Variants in SLC27A2 observed in about 807,000 individuals in gnomAD.
The protein encoded by SLC27A2 is solute carrier family 27 member 2.
Under a neutral mutation model 60.0 loss-of-function variants are expected in SLC27A2, and 54 were observed. The ratio of observed to expected loss-of-function variants is 0.90; its 90% CI spans 0.72 to 1.13. The LOEUF is 1.13. Among genes scored for constraint, SLC27A2 ranks in the 50% most tolerant of loss-of-function variants. The probability of loss-of-function intolerance (pLI) is 0.00; values close to 1 mark genes in which losing one functional copy is unlikely to be tolerated. For synonymous variants in SLC27A2, 297 were observed against 297.6 expected (o/e 1.00, Z 0.02); for missense variants, 739 against 777.6 (o/e 0.95, Z 0.59).
intron 2 of SLC27A2, among the ~76,000 whole-genome samples, chr15:50,201,099 A>G (rs1255568228): frequency 6.6e-6 from 1 of 152,022 alleles, no homozygotes; most frequent in East Asian, 1.9e-4. Context: ...TCAGGCGATC[A>G]TCCCACCCAA....
intron 8 of SLC27A2, among the ~76,000 whole-genome samples, chr15:50,233,227 G>T (rs1317565403): frequency 1.3e-5 from 2 of 152,178 alleles, no homozygotes; most frequent in Admixed American, 6.5e-5. Flanking sequence ...GACAAGAAAA[G>T]CCATTAGAAC....
chr15:50,225,928 A>G, intron 5 of SLC27A2, 60 bp from the exon 6 acceptor site: 1 of 1,218,590 alleles, frequency 8.2e-7, no homozygotes, highest in Non-Finnish European at 1.2e-6. Context: ...GTGTTATACC[A>G]CAATTAAAAA....
At chr15:50,187,071 T>C (rs1423961226) in intron 1 of SLC27A2, among the ~76,000 whole-genome samples, 2 of 152,352 alleles carry the variant, frequency 1.3e-5, no homozygotes, top group East Asian at 3.9e-4. Flanking sequence ...GGTTTCTTTA[T>C]AACACTTAAC....
At chr15:50,192,059 CAAA>C (rs553255229) in intron 1 of SLC27A2, among the ~76,000 whole-genome samples, 5 of 103,256 alleles carry the variant, frequency 4.8e-5, no homozygotes, top group Non-Finnish European at 6.0e-5. Flanking sequence ...GACTCCATCT[CAAA>C]AAAAAAAAAA....
Position 50,236,166 on chromosome 15 carries a change from CTTTAA to C in SLC27A2, c.*74_*78del, listed in dbSNP as rs752166989. The stretch of plus-strand genomic sequence containing the variant: ...TGGACAGCCACTTGATATAATCCAA[CTTTAA>C]TTTGATTGAAGATTGTGAGGAAATT... On this transcript the variant is annotated 3_prime_UTR_variant, in exon 10 of 10. Coordinates refer to ENST00000267842, the MANE Select transcript of SLC27A2 (RefSeq NM_003645.4). The C allele has an allele frequency of 9.9e-5, 130 of 1,310,608 alleles. No homozygotes were observed. The highest frequency in any genetic ancestry group is 1.3e-4 in the Non-Finnish European group (124 of 970,622). 81.2% of individuals were successfully genotyped at this position (1,310,608 alleles called of 1,614,324 possible). A position where few individuals can be genotyped will look rare whatever the true frequency, so the allele number is the denominator to read the frequency against.
At chr15:50,232,225 G>A (rs1310403420) in intron 8 of SLC27A2, among the ~76,000 whole-genome samples, 1 of 152,194 alleles carries the variant, frequency 6.6e-6, no homozygotes, top group African/African-American at 2.4e-5. Context: ...GTTTGGGCCT[G>A]GAGAGGAGTT....
chr15:50,234,779 C>T (rs2045339557), intron 9 of SLC27A2, among the ~76,000 whole-genome samples: 2 of 152,108 alleles, frequency 1.3e-5, no homozygotes, highest in Admixed American at 1.3e-4. Context: ...TATCAGAAAA[C>T]AGCTAGAAGA....
At chr15:50,211,611 G>A (rs1014944603) in intron 4 of SLC27A2, among the ~76,000 whole-genome samples, 10 of 152,258 alleles carry the variant, frequency 6.6e-5, no homozygotes, top group Non-Finnish European at 1.2e-4. Context: ...CACCAGCAAC[G>A]AATCCAAACC....
intron 1 of SLC27A2, among the ~76,000 whole-genome samples, chr15:50,196,080 ATATATATATATAT>A (rs1567428424): frequency 0.057 from 444 of 7,804 alleles, 89 homozygotes; most frequent in Non-Finnish European, 0.062. Flanking sequence ...AAAAAAAAAT[ATATATATATATAT>A]ATATATATAT....
At chr15:50,204,450 C>T (rs946765493) in intron 3 of SLC27A2, among the ~76,000 whole-genome samples, 1 of 151,400 alleles carries the variant, frequency 6.6e-6, no homozygotes, top group African/African-American at 2.4e-5. Context: ...GAGTGAGACC[C>T]GGGCCAGGTA....
chr15:50,198,835 T>C (rs560074380), intron 2 of SLC27A2, among the ~76,000 whole-genome samples: 2 of 152,278 alleles, frequency 1.3e-5, no homozygotes, highest in South Asian at 4.1e-4. Context: ...GCCTTTTATC[T>C]CAGCTGCAGC....
chr15:50,196,453 A>G (rs2140899364), intron 1 of SLC27A2, among the ~76,000 whole-genome samples: 1 of 152,164 alleles, frequency 6.6e-6, no homozygotes, highest in African/African-American at 2.4e-5. Flanking sequence ...GCATTTTTCA[A>G]GGAGCTCTAT....
intron 8 of SLC27A2, among the ~76,000 whole-genome samples, chr15:50,231,279 C>G (rs958213625): frequency 1.3e-5 from 2 of 151,730 alleles, no homozygotes; most frequent in African/African-American, 4.8e-5. Flanking sequence ...TCCTGAGTAG[C>G]TGGGATTACA....
At chr15:50,193,998 A>C (rs1041609383) in intron 1 of SLC27A2, among the ~76,000 whole-genome samples, 2 of 152,024 alleles carry the variant, frequency 1.3e-5, no homozygotes, top group African/African-American at 4.8e-5. Flanking sequence ...ATCTCTACAA[A>C]AAGTTAGCTG....
intron 5 of SLC27A2, among the ~76,000 whole-genome samples, chr15:50,224,395 G>C (rs541660968): frequency 1.3e-5 from 2 of 152,136 alleles, no homozygotes; most frequent in Non-Finnish European, 2.9e-5. Flanking sequence ...AGTCGAGATC[G>C]CGCCACTGCA....
chr15:50,210,987 C>T (rs1413922295), intron 4 of SLC27A2, among the ~76,000 whole-genome samples: 1 of 152,178 alleles, frequency 6.6e-6, no homozygotes, highest in African/African-American at 2.4e-5. Context: ...CAAGACCTGA[C>T]CAAGGAGAGT....
chr15:50,221,664 C>T (rs774773787), intron 4 of SLC27A2, among the ~76,000 whole-genome samples: 1 of 152,128 alleles, frequency 6.6e-6, no homozygotes, highest in East Asian at 1.9e-4. Context: ...AAGCTCTAAC[C>T]AATTGCTGTT....
intron 8 of SLC27A2, among the ~76,000 whole-genome samples, chr15:50,232,656 C>G (rs2140915739): frequency 6.6e-6 from 1 of 152,182 alleles, no homozygotes; most frequent in East Asian, 1.9e-4. Flanking sequence ...GAGCAAGAAG[C>G]AAGGAGACGG....
chr15:50,217,092 G>A (rs28667622), intron 4 of SLC27A2, among the ~76,000 whole-genome samples: 1 of 151,332 alleles, frequency 6.6e-6, no homozygotes, highest in African/African-American at 2.4e-5. Flanking sequence ...TTGGGGACTT[G>A]GGGGGAAGAG....
Sources: gnomAD v4.1 joint callset for allele counts (sites outside exome capture counted in the v4.1 genomes callset) on GRCh38, gnomAD v4.1.1 for gene constraint, MANE v1.5 for transcripts, NCBI Gene and HGNC (gene_info 2026-07-23, HGNC 2026-07-21) for gene names.